Variants in HMBOX1 observed in about 807,000 individuals in gnomAD.
HMBOX1 encodes homeobox-containing protein 1.
HMBOX1 carries 14 observed loss-of-function variants against 54.5 expected under a neutral mutation model. The observed-to-expected ratio is 0.26, with a 90% confidence interval of 0.17 to 0.40. The LOEUF is 0.40. Among genes scored for constraint, HMBOX1 ranks in the 10% least tolerant of loss-of-function variants. HMBOX1 has a pLI of 1.00. For missense variants in HMBOX1, 332 were observed against 514.4 expected (o/e 0.65, Z 3.43); for synonymous variants, 160 against 181.0 (o/e 0.88, Z 0.93).
At chr8:28,941,796 T>C (rs1821463404) in intron 1 of HMBOX1, among the ~76,000 whole-genome samples, 1 of 152,230 alleles carries the variant, frequency 6.6e-6, no homozygotes, top group Non-Finnish European at 1.5e-5. Context: ...CTCTACATAC[T>C]ACTGTTATAT....
intron 4 of HMBOX1, among the ~76,000 whole-genome samples, chr8:28,981,219 G>A (rs775703510): frequency 1.3e-5 from 2 of 152,086 alleles, no homozygotes; most frequent in Non-Finnish European, 2.9e-5. Flanking sequence ...CTTTTATAGT[G>A]TGTGTGTTTA....
chr8:28,949,584 T>C (rs1008030902), intron 1 of HMBOX1: 4 of 152,200 alleles, frequency 2.6e-5, no homozygotes, highest in Admixed American at 6.5e-5. Flanking sequence ...TTTTTAGGAC[T>C]GGAACCCTTA....
At chr8:28,957,388 A>G (rs2132199145) in intron 1 of HMBOX1, among the ~76,000 whole-genome samples, 1 of 152,318 alleles carries the variant, frequency 6.6e-6, no homozygotes, top group East Asian at 1.9e-4. Flanking sequence ...TGAGAGCAGT[A>G]GACACTGGAG....
chr8:28,950,428 G>T (rs1446119548), intron 1 of HMBOX1, among the ~76,000 whole-genome samples: 2 of 152,198 alleles, frequency 1.3e-5, no homozygotes, highest in Non-Finnish European at 2.9e-5. Context: ...CAGTAAGAAT[G>T]GAATAGGTTC....
At chr8:29,006,306 A>G (rs1833448681) in intron 4 of HMBOX1, among the ~76,000 whole-genome samples, 2 of 152,020 alleles carry the variant, frequency 1.3e-5, no homozygotes, top group South Asian at 4.2e-4. Flanking sequence ...GCATTCTATT[A>G]TTGATGGGCA....
intron 3 of HMBOX1, among the ~76,000 whole-genome samples, chr8:28,974,706 T>A (rs995710631): frequency 1.2e-4 from 19 of 152,206 alleles, no homozygotes; most frequent in African/African-American, 4.1e-4. Flanking sequence ...AGTGATTTTT[T>A]AAAATTTAAA....
intron 3 of HMBOX1, among the ~76,000 whole-genome samples, chr8:28,971,829 A>C (rs979491815): frequency 6.6e-6 from 1 of 152,176 alleles, no homozygotes; most frequent in African/African-American, 2.4e-5. Context: ...TTTTCAGTAG[A>C]TTTCCACTAC....
At chr8:29,003,653 T>C (rs955140132) in intron 4 of HMBOX1, among the ~76,000 whole-genome samples, 1 of 147,352 alleles carries the variant, frequency 6.8e-6, no homozygotes, top group Non-Finnish European at 1.5e-5. Flanking sequence ...ACCTTTAGGA[T>C]AGGAAATAAG....
Position 28,965,643 on chromosome 8 carries a change from C to T in HMBOX1, c.23+1753C>T, listed in dbSNP as rs75515762. On this transcript the variant is annotated intron_variant, in intron 2 of 9. Transcript: ENST00000287701. ...TGAGATCTGAGACCACAAGGAAGGC[C>T]CCTCAGTGCTAGAAAATGCTGGCCT... Among the ~76,000 whole-genome samples, 84 of 152,282 alleles carry T rather than the reference C, an allele frequency of 5.5e-4. 1 individual carries two copies. In the East Asian group the frequency reaches 0.015, roughly 27 times the overall value.
At chr8:29,031,197 A>G (rs1802909631) in intron 6 of HMBOX1, among the ~76,000 whole-genome samples, 2 of 152,190 alleles carry the variant, frequency 1.3e-5, no homozygotes, top group Admixed American at 6.5e-5. Flanking sequence ...TTCATATCTC[A>G]TATCAAAGAG....
chr8:28,974,744 TGTATGGGAATAG>T, intron 3 of HMBOX1, among the ~76,000 whole-genome samples: 1 of 152,164 alleles, frequency 6.6e-6, no homozygotes, highest in Non-Finnish European at 1.5e-5. Flanking sequence ...TAGGTGAAAA[TGTATGGGAATAG>T]GTTTTATTCA....
chr8:28,983,879 C>T (rs10105855), intron 4 of HMBOX1, among the ~76,000 whole-genome samples: 2,905 of 152,276 alleles, frequency 0.019, 89 homozygotes, highest in African/African-American at 0.067. Context: ...TGATTGATAA[C>T]CATATTGGTT....
In HMBOX1 at chr8:28,982,753, G is replaced by A. The variant is rs192836987; in HGVS notation, c.586+2597G>A. ...CGATTCTCCTGCCTCAGCCTCCCAA[G>A]TACCTGGGATTACAGGCACTTGCCA... is the stretch of plus-strand genomic sequence containing the variant. On this transcript the variant is annotated intron_variant, in intron 4 of 9. Transcript: ENST00000287701. Among the ~76,000 whole-genome samples the A allele has an allele frequency of 3.1e-3, 467 of 152,132 alleles. 1 individual carries two copies. The highest frequency in any genetic ancestry group is 0.011 in the African/African-American group (446 of 41,514).
chr8:28,915,387 C>G (rs1386662437), intron 1 of HMBOX1, among the ~76,000 whole-genome samples: 2 of 151,678 alleles, frequency 1.3e-5, no homozygotes, highest in Admixed American at 6.6e-5. Flanking sequence ...GAAACCCCGT[C>G]TCTACTAAAA....
chr8:29,040,521 TA>T lies in HMBOX1; in HGVS notation c.852-4839del, dbSNP rs1804659835. Among the ~76,000 whole-genome samples the T allele has an allele frequency of 8.5e-5, 13 of 152,344 alleles. No individual in the cohort carries two copies. The South Asian group carries it at 2.7e-3, about 32-fold the overall frequency. On this transcript the variant is annotated intron_variant, in intron 6 of 9. Coordinates refer to ENST00000287701, the MANE Select transcript of HMBOX1 (RefSeq NM_001135726.3). ...GATTATACTGTATATCTTGAATTAATATTTTTTAAACATTGAAACATTACAG... is the reference window on the plus strand; with the variant it reads ...GATTATACTGTATATCTTGAATTAATTTTTTTAAACATTGAAACATTACAG...
chr8:28,922,472 T>G (rs1817722436), intron 1 of HMBOX1, among the ~76,000 whole-genome samples: 3 of 152,244 alleles, frequency 2.0e-5, no homozygotes, highest in African/African-American at 4.8e-5. Flanking sequence ...AAAGTACTTT[T>G]ATCTTTGCAA....
chr8:28,958,323 A>C (rs549963014), intron 1 of HMBOX1, among the ~76,000 whole-genome samples: 16 of 152,206 alleles, frequency 1.1e-4, no homozygotes, highest in Non-Finnish European at 2.2e-4. Context: ...TGTATTGCCA[A>C]ATCATTGACA....
At chr8:28,995,705 GCTGTAGTTTTGATTTA>G (rs1831708988) in intron 4 of HMBOX1, among the ~76,000 whole-genome samples, 1 of 152,128 alleles carries the variant, frequency 6.6e-6, no homozygotes, top group Non-Finnish European at 1.5e-5. Flanking sequence ...GTTTTGATTT[GCTGTAGTTTTGATTTA>G]GTGAGTAATG....
intron 1 of HMBOX1, among the ~76,000 whole-genome samples, chr8:28,946,869 C>T (rs1563443854): frequency 6.6e-6 from 1 of 152,128 alleles, no homozygotes; most frequent in Non-Finnish European, 1.5e-5. Context: ...ATTTGTATGG[C>T]ACATTGTAGT....
Sources: gnomAD v4.1 joint callset for allele counts (sites outside exome capture counted in the v4.1 genomes callset) on GRCh38, gnomAD v4.1.1 for gene constraint, MANE v1.5 for transcripts, NCBI Gene and HGNC (gene_info 2026-07-23, HGNC 2026-07-21) for gene names.